FPGS: variants seen among roughly 807,000 people sequenced by gnomAD.
FPGS encodes folylpolyglutamate synthase, mitochondrial.
In FPGS, 53 loss-of-function variants were observed where a neutral mutation model predicts 66.5. That is an observed-to-expected ratio of 0.80 (90% CI 0.64 to 1.00). FPGS has a LOEUF of 1.00. Ranked by LOEUF, FPGS falls within the 50% of genes least tolerant of loss-of-function variation. FPGS has a pLI of 0.00. For missense variants in FPGS, 702 were observed against 807.7 expected (o/e 0.87, Z 1.59); for synonymous variants, 348 against 350.9 (o/e 0.99, Z 0.09).
chr9:127,805,630 A>C (rs919922994), intron 4 of FPGS, among the ~76,000 whole-genome samples: 2 of 152,224 alleles, frequency 1.3e-5, no homozygotes, highest in Admixed American at 6.5e-5. Context: ...AAAAATTTTA[A>C]AGTCCATATA....
chr9:127,809,053 C>CTCA (rs1268669818), intron 11 of FPGS, among the ~76,000 whole-genome samples, 164 bp downstream of exon 11: 1 of 151,104 alleles, frequency 6.6e-6, no homozygotes, highest in Non-Finnish European at 1.5e-5. Context: ...TGACCTTGAG[C>CTCA]TCATGAACTC....
chr9:127,809,741 C>T lies in FPGS; in HGVS notation c.1118C>T (p.Thr373Ile), dbSNP rs1829979353. The T allele has an allele frequency of 6.3e-7, 1 of 1,586,826 alleles. No homozygotes were observed. The highest frequency in any genetic ancestry group is 8.5e-7 in the Non-Finnish European group (1 of 1,175,282). ...RTQVLRRGPL[T>I]WYLDGAHTAS... ...CAGGTGCTGCGGCGCGGGCCCCTCA[C>T]CTGGTACCTGGACGGTGCGCACACC... Residue 373 changes from threonine (T) to isoleucine (I), a missense_variant, in exon 12 of 15, where the codon ACC (threonine) becomes ATC (isoleucine). Physicochemically the swap from Thr to Ile is moderately conservative, Grantham distance 89 (BLOSUM62 -1). This residue lies in a region of FPGS where 351 missense variants were observed against 363.7 expected (regional missense o/e 0.97). Coordinates refer to ENST00000373247, the MANE Select transcript of FPGS (RefSeq NM_004957.6).
chr9:127,803,105 C>G (rs1395120017), intron 1 of FPGS, 43 bp downstream of exon 1: 6 of 1,341,866 alleles, frequency 4.5e-6, no homozygotes, highest in Non-Finnish European at 5.7e-6. Context: ...GGCGCGACGA[C>G]ACGTGGGCCT....
intron 1 of FPGS, 39 bp from the exon 2 acceptor site, chr9:127,804,245 AG>A: frequency 6.2e-7 from 1 of 1,603,072 alleles, no homozygotes; most frequent in Non-Finnish European, 8.5e-7. Flanking sequence ...GTGGACCCTG[AG>A]TGAGCCTTAA....
chr9:127,803,186 G>C (rs540121654), intron 1 of FPGS, 124 bp downstream of exon 1: 4 of 1,258,254 alleles, frequency 3.2e-6, no homozygotes, highest in South Asian at 2.9e-5. Context: ...GGGGGACTCG[G>C]GGGGCGGAAC....
intron 14 of FPGS, among the ~76,000 whole-genome samples, chr9:127,811,348 G>C (rs902293044): frequency 6.6e-6 from 1 of 152,056 alleles, no homozygotes; most frequent in Admixed American, 6.6e-5. Flanking sequence ...CAGGCGTAGT[G>C]GTGGGTGCCT....
At chr9:127,804,809 G>A (rs1564440951) in intron 4 of FPGS, 109 bp downstream of exon 4, 2 of 967,416 alleles carry the variant, frequency 2.1e-6, no homozygotes, top group Admixed American at 3.4e-5. Flanking sequence ...TCAGCTGCAT[G>A]TCTCTCTGCC....
chr9:127,802,921 G>A lies in FPGS; in HGVS notation c.-4G>A, dbSNP rs1829655104. ...CCTAGAGCGCTGCCGGGGGCGCCGG[G>A]ACTATGTCGCGGGCGCGGAGCCACC... On this transcript the variant is annotated 5_prime_UTR_variant, in exon 1 of 15. Coordinates refer to ENST00000373247, the MANE Select transcript of FPGS (RefSeq NM_004957.6). 4 of 1,381,988 alleles carry A rather than the reference G, an allele frequency of 2.9e-6. No homozygotes were observed. The South Asian group carries it at 6.4e-5, about 22-fold the overall frequency. The allele number at this position is 1,381,988 out of a possible 1,614,324, so 85.6% of individuals were successfully genotyped here. A position where few individuals can be genotyped will look rare whatever the true frequency, so the allele number is the denominator to read the frequency against.
chr9:127,804,417 A>G lies in FPGS; in HGVS notation c.267+4A>G, dbSNP rs1829726434. 6.2e-7 allele frequency: 1 copy of G among 1,614,030 alleles called. No individual in the cohort carries two copies. Among genetic ancestry groups the G allele is most frequent in the Non-Finnish European group, 8.5e-7 (1 of 1,180,012 alleles). On this transcript the variant is annotated splice_donor_region_variant and intron_variant, in intron 2 of 14. Coordinates refer to ENST00000373247, the MANE Select transcript of FPGS (RefSeq NM_004957.6). The stretch of plus-strand genomic sequence containing the variant: ...CCTGGCACGGAGTGGGCTGCAGGTA[A>G]GGTAGAGAGGGCCTGTGACCACCTC...
intron 14 of FPGS, among the ~76,000 whole-genome samples, chr9:127,811,826 T>C (rs1830092985): frequency 6.6e-6 from 1 of 152,062 alleles, no homozygotes; most frequent in Admixed American, 6.6e-5. Flanking sequence ...GAATAGAAAA[T>C]ACCAGTGTAC....
intron 12 of FPGS, 64 bp from the exon 13 acceptor site, chr9:127,809,967 C>T (rs1353185362): frequency 2.0e-6 from 3 of 1,507,794 alleles, no homozygotes; most frequent in Non-Finnish European, 1.8e-6. Context: ...TGGGCGGGGA[C>T]GGGATTGGTA....
chr9:127,808,142 C>G, intron 8 of FPGS, 92 bp from the exon 9 acceptor site: 1 of 878,710 alleles, frequency 1.1e-6, no homozygotes, highest in Non-Finnish European at 1.9e-6. Flanking sequence ...GGATGAGAGA[C>G]AGTGGTAGCC....
At chr9:127,808,490 G>A in intron 9 of FPGS, 68 bp from the exon 10 acceptor site, 1 of 1,591,338 alleles carries the variant, frequency 6.3e-7, no homozygotes. Context: ...CTGGGGGAGG[G>A]GAGAGATGCA....
chr9:127,813,350 C>G lies in FPGS; in HGVS notation c.1510C>G (p.Pro504Ala), dbSNP rs745314721. The change falls in exon 15 of 15, where the codon CCC becomes GCC. Residue 504 changes from proline to alanine, a missense_variant. Transcript: ENST00000373247. ...TGGGTCCGCATCCCTGCTTCTGGCG[C>G]CCCACCCACCCCACACCTGCAGTGC... ...PGGSASLLLA[P>A]HPPHTCSASS... is the part of the protein sequence containing the mutation. The G allele has an allele frequency of 1.2e-6, 2 of 1,612,602 alleles. No individual in the cohort carries two copies. Among genetic ancestry groups the G allele is most frequent in the Admixed American group, 3.3e-5 (2 of 59,936 alleles).
At chr9:127,806,642 G>A in intron 4 of FPGS, 1 of 322,104 alleles carries the variant, frequency 3.1e-6, no homozygotes, top group Non-Finnish European at 5.9e-6. Flanking sequence ...AGAGCTGTAA[G>A]ACAGATGACA....
At position 127,803,005 on chromosome 9, in the gene FPGS, G is replaced by T; in HGVS notation, c.81G>T (p.Ala27=). 1 of 1,465,716 alleles carries T rather than the reference G, an allele frequency of 6.8e-7. No individual in the cohort carries two copies. The highest frequency in any genetic ancestry group is 8.9e-7 in the Non-Finnish European group (1 of 1,117,324). 90.8% of individuals were successfully genotyped at this position (1,465,716 alleles called of 1,614,324 possible). A position where few individuals can be genotyped will look rare whatever the true frequency, so the allele number is the denominator to read the frequency against. ...CGCGCGGCATAACGACCCAGGTCGCGGCGCGGCGGGGCTTGAGCGCGTGGC... is the reference window on the plus strand; with the variant it reads ...CGCGCGGCATAACGACCCAGGTCGCTGCGCGGCGGGGCTTGAGCGCGTGGC... The part of the protein sequence containing the change: ...ASARGITTQV[A]ARRGLSAWPV... Residue 27 remains alanine, a synonymous_variant, in exon 1 of 15, where the codon GCG becomes GCT. Coordinates refer to ENST00000373247, the MANE Select transcript of FPGS (RefSeq NM_004957.6).
chr9:127,803,041 G>GA lies in FPGS; in HGVS notation c.117_118insA (p.Glu40ArgfsTer32). Reference sequence around the variant, plus strand: ...GCTTGAGCGCGTGGCCGGTGCCGCAGGAGCCGAGCATGGAGTACCAGGTAT... The same window carrying GA: ...GCTTGAGCGCGTGGCCGGTGCCGCAGAGAGCCGAGCATGGAGTACCAGGTAT... On this transcript the variant is annotated frameshift_variant, in exon 1 of 15. Coordinates refer to ENST00000373247, the MANE Select transcript of FPGS (RefSeq NM_004957.6). LOFTEE classifies it high-confidence loss of function. 1 of 1,439,744 alleles carries GA rather than the reference G, an allele frequency of 6.9e-7. No individual in the cohort carries two copies. Among genetic ancestry groups the GA allele is most frequent in the Non-Finnish European group, 9.0e-7 (1 of 1,105,872 alleles). 89.2% of individuals were successfully genotyped at this position (1,439,744 alleles called of 1,614,324 possible). A position where few individuals can be genotyped will look rare whatever the true frequency, so the allele number is the denominator to read the frequency against.
At position 127,802,993 on chromosome 9, in the gene FPGS, G is replaced by A; in HGVS notation, c.69G>A (p.Thr23=). The A allele has an allele frequency of 1.4e-6, 2 of 1,465,086 alleles. No individual in the cohort carries two copies. Among genetic ancestry groups the A allele is most frequent in the Middle Eastern group, 4.8e-4 (2 of 4,176 alleles). 90.8% of individuals were successfully genotyped at this position (1,465,086 alleles called of 1,614,324 possible). Residue 23 remains threonine (T), a synonymous_variant, in exon 1 of 15, where the codon ACG becomes ACA. Coordinates refer to ENST00000373247, the MANE Select transcript of FPGS (RefSeq NM_004957.6). ...CAGCGGCGTCTGCGCGCGGCATAACGACCCAGGTCGCGGCGCGGCGGGGCT... is the reference window on the plus strand; with the variant it reads ...CAGCGGCGTCTGCGCGCGGCATAACAACCCAGGTCGCGGCGCGGCGGGGCT... ...FLAAASARGI[T]TQVAARRGLS...
At position 127,813,529 on chromosome 9, in the gene FPGS, C is replaced by G. The variant is rs1830180606; in HGVS notation, c.1689C>G (p.Ile563Met). The G allele has an allele frequency of 6.2e-7, 1 of 1,608,480 alleles. No individual in the cohort carries two copies. Among genetic ancestry groups the G allele is most frequent in the African/African-American group, 1.3e-5 (1 of 74,990 alleles). ...GCATACTCCGTGAGGCTGCTGCCAT[C>G]CATGTGCTAGTCACTGGCAGCCTGC... Reference protein sequence around the residue: ...GASILREAAAIHVLVTGSLHL... With the variant: ...GASILREAAAMHVLVTGSLHL... Residue 563 changes from isoleucine (I) to methionine (M), a missense_variant, in exon 15 of 15, where the codon ATC (isoleucine) becomes ATG (methionine). Coordinates refer to ENST00000373247, the MANE Select transcript of FPGS (RefSeq NM_004957.6).
Sources: gnomAD v4.1 joint callset for allele counts (sites outside exome capture counted in the v4.1 genomes callset) on GRCh38, gnomAD v4.1.1 for gene constraint, gnomAD v4.1.1 regional missense constraint, MANE v1.5 for transcripts, NCBI Gene and HGNC (gene_info 2026-07-23, HGNC 2026-07-21) for gene names.